CDH8: variants seen among roughly 807,000 people sequenced by gnomAD.
CDH8 encodes cadherin 8.
Under a neutral mutation model 68.1 loss-of-function variants are expected in CDH8, and 17 were observed. The ratio of observed to expected loss-of-function variants is 0.25; its 90% CI spans 0.17 to 0.37. The LOEUF (loss-of-function observed/expected upper bound fraction) is 0.37, where lower values mean the gene tolerates loss of function less well. Ranked by LOEUF, CDH8 falls within the 10% of genes least tolerant of loss-of-function variation. The pLI is 1.00. For synonymous variants in CDH8, 372 were observed against 365.1 expected, an observed-to-expected ratio of 1.02 and a Z score of -0.21; for missense variants, 763 against 999.3, an observed-to-expected ratio of 0.76 and a Z score of 3.19.
At chr16:61,713,077 A>G (rs1246070355) in intron 10 of CDH8, among the ~76,000 whole-genome samples, 1 of 151,658 alleles carries the variant, frequency 6.6e-6, no homozygotes, top group Non-Finnish European at 1.5e-5. Context: ...TAAAACAGCT[A>G]CAACTAAGAC....
intron 2 of CDH8, among the ~76,000 whole-genome samples, chr16:61,963,762 T>C (rs1476193668): frequency 6.6e-6 from 1 of 152,190 alleles, no homozygotes; most frequent in Non-Finnish European, 1.5e-5. Flanking sequence ...TCAATGTTAA[T>C]TGATTGATGG....
chr16:61,681,276 T>C (rs1964007935), intron 10 of CDH8, among the ~76,000 whole-genome samples: 1 of 151,912 alleles, frequency 6.6e-6, no homozygotes, highest in African/African-American at 2.4e-5. Context: ...ACAATCCAAA[T>C]GTCCATCAGC....
intron 2 of CDH8, among the ~76,000 whole-genome samples, chr16:61,903,256 T>C (rs1015926824): frequency 3.9e-5 from 6 of 152,252 alleles, no homozygotes; most frequent in Non-Finnish European, 5.9e-5. Flanking sequence ...GTTTCAATGC[T>C]CCCTTCTGTT....
intron 9 of CDH8, among the ~76,000 whole-genome samples, chr16:61,724,287 G>T (rs908725716): frequency 4.0e-5 from 6 of 150,812 alleles, no homozygotes; most frequent in Admixed American, 3.3e-4. Flanking sequence ...GGAGATAACT[G>T]CCTAGACAAG....
At position 61,940,884 on chromosome 16, in the gene CDH8, C is replaced by CT. The variant is rs755423400; in HGVS notation, c.253-39412dup. 5.9e-5 allele frequency among the ~76,000 whole-genome samples: 9 copies of CT among 152,324 alleles called. No individual in the cohort carries two copies. In the East Asian group the frequency reaches 1.5e-3, roughly 26 times the overall value. ...TATCTTTCAAGCATCCCAGACTCAA[C>CT]TTTTAAGATGTCTCAGATCTCAGGA... On this transcript the variant is annotated intron_variant, in intron 2 of 11. Transcript: ENST00000577390.
intron 10 of CDH8, among the ~76,000 whole-genome samples, chr16:61,690,602 T>C (rs562325602): frequency 6.6e-6 from 1 of 152,152 alleles, no homozygotes; most frequent in South Asian, 2.1e-4. Context: ...AGCTATTGAT[T>C]AAACTTTTGA....
chr16:61,878,774 G>C (rs1459417578), intron 3 of CDH8, among the ~76,000 whole-genome samples: 6 of 152,084 alleles, frequency 3.9e-5, no homozygotes, highest in Non-Finnish European at 8.8e-5. Flanking sequence ...CTAAATAACA[G>C]TTAAAAATCA....
At chr16:61,918,433 A>T (rs1055685323) in intron 2 of CDH8, 2 of 153,876 alleles carry the variant, frequency 1.3e-5, no homozygotes, top group Admixed American at 6.5e-5. Context: ...AGTGCCAGAC[A>T]GTGGGCGCAG....
chr16:61,876,316 A>G (rs1044963549), intron 3 of CDH8, among the ~76,000 whole-genome samples: 2 of 152,218 alleles, frequency 1.3e-5, no homozygotes, highest in Non-Finnish European at 2.9e-5. Context: ...CTGAACAAGA[A>G]TCAAATAAGC....
intron 8 of CDH8, among the ~76,000 whole-genome samples, chr16:61,739,915 A>ATATATATATATATATAT (rs373723105): frequency 1.2e-4 from 13 of 109,532 alleles, no homozygotes; most frequent in Non-Finnish European, 1.8e-4. Flanking sequence ...ATATATATGT[A>ATATATATATATATATAT]TTTTTTTTTT....
chr16:61,774,868 G>C (rs1033240605), intron 8 of CDH8, among the ~76,000 whole-genome samples: 2 of 152,130 alleles, frequency 1.3e-5, no homozygotes, highest in African/African-American at 4.8e-5. Flanking sequence ...ACAACAAAGT[G>C]AGGACTTATA....
chr16:62,016,730 G>C (rs1901950316), intron 2 of CDH8, among the ~76,000 whole-genome samples: 1 of 152,194 alleles, frequency 6.6e-6, no homozygotes, highest in African/African-American at 2.4e-5. Context: ...CAGGAATAGA[G>C]TCTATTTGAC....
In CDH8 at chr16:61,917,062, AGTGTGTGTGTGTGTGTGTGTGT is replaced by A. The variant is rs57232370; in HGVS notation, c.253-15611_253-15590del. Among the ~76,000 whole-genome samples the A allele has an allele frequency of 1.3e-3, 174 of 137,390 alleles. 2 individuals carry two copies. Among genetic ancestry groups the A allele is most frequent in the Middle Eastern group, 7.4e-3 (2 of 272 alleles). The allele number at this position is 137,390 out of a possible 152,430, so 90.1% of individuals were successfully genotyped here. A position where few individuals can be genotyped will look rare whatever the true frequency, so the allele number is the denominator to read the frequency against. On this transcript the variant is annotated intron_variant, in intron 2 of 11. Coordinates refer to ENST00000577390, the MANE Select transcript of CDH8 (RefSeq NM_001796.5). Reference sequence around the variant, plus strand: ...GCATTGCACAAATTATTTACCTATTAGTGTGTGTGTGTGTGTGTGTGTGTGTGTGTGTGTGTGTGTGTGTATG... The same window carrying A: ...GCATTGCACAAATTATTTACCTATTAGTGTGTGTGTGTGTGTGTGTGTATG...
At chr16:61,987,245 T>C in intron 2 of CDH8, among the ~76,000 whole-genome samples, 1 of 152,194 alleles carries the variant, frequency 6.6e-6, no homozygotes. Flanking sequence ...GGCTCACACC[T>C]GCAATCCTAG....
chr16:61,874,201 A>C (rs1963420612), intron 3 of CDH8, among the ~76,000 whole-genome samples: 1 of 152,214 alleles, frequency 6.6e-6, no homozygotes, highest in Admixed American at 6.5e-5. Flanking sequence ...TTTTTTAAAT[A>C]AAAATAGAAT....
intron 2 of CDH8, among the ~76,000 whole-genome samples, chr16:62,006,588 A>G (rs1487544780): frequency 1.3e-5 from 2 of 152,168 alleles, no homozygotes; most frequent in Admixed American, 6.5e-5. Context: ...CCTTGGTTCT[A>G]TCTATGTATA....
chr16:61,992,484 T>A (rs1371357434), intron 2 of CDH8, among the ~76,000 whole-genome samples: 1 of 149,722 alleles, frequency 6.7e-6, no homozygotes, highest in East Asian at 2.1e-4. Flanking sequence ...GAGATATACC[T>A]AATGCTAAAT....
At chr16:61,816,246 G>A (rs1163348172) in intron 7 of CDH8, among the ~76,000 whole-genome samples, 3 of 151,942 alleles carry the variant, frequency 2.0e-5, no homozygotes, top group Non-Finnish European at 4.4e-5. Context: ...TGCTCTTCTG[G>A]GTCTGTAAAT....
At chr16:61,926,753 G>A (rs141805298) in intron 2 of CDH8, among the ~76,000 whole-genome samples, 5 of 152,192 alleles carry the variant, frequency 3.3e-5, no homozygotes, top group South Asian at 2.1e-4. Flanking sequence ...TAATAGTAAC[G>A]GCAATTTTAT....
Sources: allele counts gnomAD v4.1 joint callset (sites outside exome capture counted in the v4.1 genomes callset), GRCh38; gene constraint gnomAD v4.1.1; transcripts MANE v1.5; gene names NCBI Gene and HGNC (gene_info 2026-07-23, HGNC 2026-07-21).